Variants in THAP6 observed in about 807,000 individuals in gnomAD.
THAP6 encodes the protein THAP domain-containing protein 6.
In THAP6, 13 loss-of-function variants were observed where a neutral mutation model predicts 20.0. The ratio of observed to expected loss-of-function variants is 0.65; its 90% CI spans 0.42 to 1.03. THAP6 has a LOEUF of 1.03. Ranked by LOEUF, THAP6 falls within the 50% of genes least tolerant of loss-of-function variation. THAP6 has a pLI of 0.00. For synonymous variants in THAP6, 93 were observed against 92.2 expected, an observed-to-expected ratio of 1.01 and a Z score of -0.05; for missense variants, 262 against 261.6, an observed-to-expected ratio of 1.00 and a Z score of -0.01.
At chr4:75,546,208 TGAGAA>T (rs1727123579) in intron 3 of THAP6, among the ~76,000 whole-genome samples, 1 of 152,168 alleles carries the variant, frequency 6.6e-6, no homozygotes, top group Non-Finnish European at 1.5e-5. Flanking sequence ...AAAGAGAGAC[TGAGAA>T]GAGGGGGACT....
chr4:75,544,001 G>C (rs1394233790), intron 3 of THAP6, among the ~76,000 whole-genome samples: 2 of 152,106 alleles, frequency 1.3e-5, no homozygotes, highest in Non-Finnish European at 2.9e-5. Flanking sequence ...GTGGACTATT[G>C]CTCTTCCCAC....
intron 2 of THAP6, among the ~76,000 whole-genome samples, chr4:75,540,805 T>C (rs1445592904): frequency 1.3e-5 from 2 of 152,214 alleles, no homozygotes; most frequent in Non-Finnish European, 2.9e-5. Context: ...CGGTATAAAA[T>C]GTTGCCAGGC....
At chr4:75,518,655 C>T (rs1243881617) in intron 3 of THAP6, among the ~76,000 whole-genome samples, 3 of 152,202 alleles carry the variant, frequency 2.0e-5, no homozygotes, top group Non-Finnish European at 2.9e-5. Context: ...TGATCCCAGG[C>T]ATTTTGACTT....
chr4:75,531,298 G>A (rs781723502), downstream of THAP6, among the ~76,000 whole-genome samples: 5 of 152,326 alleles, frequency 3.3e-5, no homozygotes, highest in South Asian at 2.1e-4. Context: ...GGTAGGCAAC[G>A]TGTATTGTCA....
At chr4:75,532,171 A>G (rs760421837), downstream of THAP6, among the ~76,000 whole-genome samples, 1 of 152,206 alleles carries the variant, frequency 6.6e-6, no homozygotes, top group Admixed American at 6.5e-5. Context: ...TACTTCCTAG[A>G]TACAATGAGG....
chr4:75,533,851 T>A (rs1726769095), downstream of THAP6, among the ~76,000 whole-genome samples: 1 of 152,158 alleles, frequency 6.6e-6, no homozygotes, highest in Non-Finnish European at 1.5e-5. Flanking sequence ...CATGTTGGTG[T>A]GCTGCATCCA....
downstream of THAP6, among the ~76,000 whole-genome samples, chr4:75,531,689 G>T (rs922502353): frequency 2.0e-5 from 3 of 152,062 alleles, no homozygotes; most frequent in East Asian, 5.8e-4. Context: ...TGGCTGGGGA[G>T]GCCTCATAAT....
At chr4:75,546,468 GC>G (rs1727129522) in intron 3 of THAP6, among the ~76,000 whole-genome samples, 1 of 152,166 alleles carries the variant, frequency 6.6e-6, no homozygotes, top group Non-Finnish European at 1.5e-5. Context: ...TTATTTAGAA[GC>G]AATTGATTTC....
At chr4:75,542,902 GAAGCTGAGGA>G (rs1284292074) in intron 3 of THAP6, 2 of 160,710 alleles carry the variant, frequency 1.2e-5, no homozygotes, top group Non-Finnish European at 2.7e-5. Flanking sequence ...TCTTGTGTCT[GAAGCTGAGGA>G]AAGCCCATAG....
intron 2 of THAP6, among the ~76,000 whole-genome samples, chr4:75,515,751 CAA>C (rs1725552427): frequency 6.6e-6 from 1 of 152,124 alleles, no homozygotes; most frequent in Non-Finnish European, 1.5e-5. Context: ...GACTGGTTTA[CAA>C]AAAATACCAT....
chr4:75,522,088 G>T, intron 4 of THAP6: 1 of 454,490 alleles, frequency 2.2e-6, no homozygotes, highest in Non-Finnish European at 3.8e-6. Context: ...GCTTTTGCAA[G>T]GATATTTCTA....
At chr4:75,517,112 G>C in intron 3 of THAP6, 133 bp downstream of exon 3, 1 of 649,694 alleles carries the variant, frequency 1.5e-6, no homozygotes, top group Admixed American at 3.1e-5. Context: ...TCTGCCTCCA[G>C]GGTTTAAGCA....
intron 2 of THAP6, chr4:75,542,351 A>G (rs1008799483): frequency 1.4e-6 from 1 of 692,052 alleles, no homozygotes; most frequent in Admixed American, 2.0e-5. Context: ...TGCATGCTCT[A>G]ATAGAGCTGA....
At chr4:75,526,521 C>T (rs1003260660) in intron 4 of THAP6, among the ~76,000 whole-genome samples, 3 of 152,182 alleles carry the variant, frequency 2.0e-5, no homozygotes, top group African/African-American at 4.8e-5. Context: ...AAATCCCCAA[C>T]ACCGAGCCTG....
chr4:75,515,278 TGGAAAATGATGTAAGCAAAGCTGCAGGTG>T (rs1725484354), intron 1 of THAP6, among the ~76,000 whole-genome samples, 126 bp from the exon 2 acceptor site: 1 of 152,222 alleles, frequency 6.6e-6, no homozygotes, highest in Non-Finnish European at 1.5e-5. Context: ...GTCAAGGCCC[TGGAAAATGATGTAAGCAAAGCTGCAGGTG>T]TTAGAAGAAG....
At chr4:75,519,187 G>GAT (rs1261769691) in intron 3 of THAP6, among the ~76,000 whole-genome samples, 1 of 152,146 alleles carries the variant, frequency 6.6e-6, no homozygotes, top group African/African-American at 2.4e-5. Context: ...TGTAGCATGA[G>GAT]ATACTGGTCC....
chr4:75,528,257 A>G lies in THAP6; in HGVS notation c.*1043A>G. 1 of 985,444 alleles carries G rather than the reference A, an allele frequency of 1.0e-6. No individual in the cohort carries two copies. Among genetic ancestry groups the G allele is most frequent in the Non-Finnish European group, 1.2e-6 (1 of 829,916 alleles). The allele number at this position is 985,444 out of a possible 1,614,324, so 61.0% of individuals were successfully genotyped here. A position where few individuals can be genotyped will look rare whatever the true frequency, so the allele number is the denominator to read the frequency against. On this transcript the variant is annotated 3_prime_UTR_variant, in exon 5 of 5. Coordinates refer to ENST00000311638, the MANE Select transcript of THAP6 (RefSeq NM_144721.6). ...GCTTTAGAATAGCTTCTTACTGAAT[A>G]TGCAAAAGAATAATTCCTTGTTATT... is the stretch of plus-strand genomic sequence containing the variant.
chr4:75,537,618 T>C (rs144912307), intron 2 of THAP6, among the ~76,000 whole-genome samples: 2,801 of 152,308 alleles, frequency 0.018, 36 homozygotes, highest in Admixed American at 0.029. Context: ...GTCTCAGGTA[T>C]GTCTCTATCA....
rs961485098 is a variant in THAP6 at position 75,528,488 on chromosome 4, G to T, written c.*1274G>T. ...GAATTTGAGTATCAGCCATTTCATTGTAGTAACAAAAATTGAATTGCATTT... is the reference window on the plus strand; with the variant it reads ...GAATTTGAGTATCAGCCATTTCATTTTAGTAACAAAAATTGAATTGCATTT... On this transcript the variant is annotated 3_prime_UTR_variant, in exon 5 of 5. Transcript: ENST00000311638. 1.0e-6 allele frequency: 1 copy of T among 985,238 alleles called. No individual in the cohort carries two copies. The highest frequency in any genetic ancestry group is 1.2e-6 in the Non-Finnish European group (1 of 829,866). 61.0% of individuals were successfully genotyped at this position (985,238 alleles called of 1,614,324 possible).
Sources: gnomAD v4.1 joint callset for allele counts (sites outside exome capture counted in the v4.1 genomes callset) on GRCh38, gnomAD v4.1.1 for gene constraint, MANE v1.5 for transcripts, NCBI Gene and HGNC (gene_info 2026-07-23, HGNC 2026-07-21) for gene names.